Variants in NCKAP5 observed in about 807,000 individuals in gnomAD.
The protein encoded by NCKAP5 is nck-associated protein 5.
NCKAP5 carries 92 observed loss-of-function variants against 167.0 expected under a neutral mutation model. That is an observed-to-expected ratio of 0.55 (90% CI 0.47 to 0.66). The LOEUF (loss-of-function observed/expected upper bound fraction) is 0.66, where lower values mean the gene tolerates loss of function less well. Ranked by LOEUF, NCKAP5 falls within the 30% of genes least tolerant of loss-of-function variation. The pLI is 0.00. For synonymous variants in NCKAP5, 891 were observed against 877.4 expected (o/e 1.02, Z -0.27); for missense variants, 2,378 against 2,315.0 (o/e 1.03, Z -0.56).
chr2:133,063,747 T>C (rs2080090636), intron 6 of NCKAP5, among the ~76,000 whole-genome samples: 1 of 152,240 alleles, frequency 6.6e-6, no homozygotes, highest in African/African-American at 2.4e-5. Flanking sequence ...ATATCCAATA[T>C]TAGCTGAGCA....
chr2:133,624,805 G>T, the NCKAP5 span, among the ~76,000 whole-genome samples: 3 of 152,096 alleles, frequency 2.0e-5, no homozygotes, highest in Non-Finnish European at 4.4e-5. Context: ...TACGTTTTTG[G>T]AATCCACATA....
chr2:132,860,492 C>T lies in NCKAP5; in HGVS notation c.807G>A (p.Gln269=). 1 of 1,568,114 alleles carries T rather than the reference C, an allele frequency of 6.4e-7. No individual in the cohort carries two copies. The highest frequency in any genetic ancestry group is 8.7e-7 in the Non-Finnish European group (1 of 1,154,494). Reference sequence around the variant, plus strand: ...GATTGTTTTCCAGATAAACACATACCTGGAGGAGCAGATCAGAAGTGGGTC... The same window carrying T: ...GATTGTTTTCCAGATAAACACATACTTGGAGGAGCAGATCAGAAGTGGGTC... ...RVRPTSDLLL[Q]KLHSRLLDLS... The change falls in exon 11 of 20, where the codon CAG becomes CAA. Residue 269 remains glutamine (Q), a splice_region_variant and synonymous_variant. Coordinates refer to ENST00000409261, the MANE Select transcript of NCKAP5 (RefSeq NM_207363.3).
chr2:132,732,001 G>A lies in NCKAP5; in HGVS notation c.5179C>T (p.Leu1727Phe), dbSNP rs749961348. Residue 1727 changes from leucine (L) to phenylalanine (F), a missense_variant, in exon 17 of 20, where the codon CTC becomes TTC. By Grantham distance (22) the Leu-to-Phe change is conservative. Transcript: ENST00000409261. Reference sequence around the variant, plus strand: ...GTCGAGCGATTTCCCGAGTCTGGGAGTGGAAAGGTTCCGATCCCACTGTCC... The same window carrying A: ...GTCGAGCGATTTCCCGAGTCTGGGAATGGAAAGGTTCCGATCCCACTGTCC... The part of the protein sequence containing the change: ...TLDSGIGTFP[L>F]PDSGNRSTGR... The A allele has an allele frequency of 2.5e-6, 4 of 1,613,830 alleles. No individual in the cohort carries two copies. Among genetic ancestry groups the A allele is most frequent in the East Asian group, 4.5e-5 (2 of 44,840 alleles).
At chr2:133,134,108 C>T (rs1267229603) in intron 5 of NCKAP5, among the ~76,000 whole-genome samples, 4 of 152,174 alleles carry the variant, frequency 2.6e-5, no homozygotes, top group Admixed American at 6.5e-5. Context: ...TGAACTGCAT[C>T]GAAACACACA....
At chr2:133,489,505 C>A (rs1431061594) in intron 3 of NCKAP5, among the ~76,000 whole-genome samples, 3 of 152,166 alleles carry the variant, frequency 2.0e-5, no homozygotes, top group Non-Finnish European at 2.9e-5. Context: ...ATTTTAGGGG[C>A]AATTTTTACT....
At chr2:133,020,750 G>A (rs932159143) in intron 6 of NCKAP5, among the ~76,000 whole-genome samples, 2 of 152,198 alleles carry the variant, frequency 1.3e-5, no homozygotes, top group African/African-American at 4.8e-5. Flanking sequence ...TAGGAGGAAG[G>A]CGGCTGTGGT....
chr2:132,979,687 T>G (rs1311449074), intron 7 of NCKAP5, among the ~76,000 whole-genome samples: 2 of 152,234 alleles, frequency 1.3e-5, no homozygotes, highest in East Asian at 3.9e-4. Flanking sequence ...CTCTGCTTTC[T>G]TGCATCACAG....
intron 8 of NCKAP5, among the ~76,000 whole-genome samples, chr2:132,920,833 G>T (rs1314464006): frequency 1.8e-5 from 2 of 112,718 alleles, no homozygotes; most frequent in African/African-American, 6.7e-5. Flanking sequence ...GAACTAGGTT[G>T]TCCTTTGAGG....
intron 5 of NCKAP5, among the ~76,000 whole-genome samples, chr2:133,210,504 G>A (rs1453415918): frequency 6.6e-6 from 1 of 152,100 alleles, no homozygotes; most frequent in African/African-American, 2.4e-5. Flanking sequence ...TGGTGATCTA[G>A]TTGTGATGAA....
chr2:132,804,386 A>C (rs1685271482), intron 11 of NCKAP5, among the ~76,000 whole-genome samples: 3 of 152,214 alleles, frequency 2.0e-5, no homozygotes, highest in African/African-American at 7.2e-5. Flanking sequence ...CAGGTACTTT[A>C]ATAAGTGCTT....
rs563029030 is a variant in NCKAP5, at chr2:132,780,051, G to A, written c.5049+1001C>T. On this transcript the variant is annotated intron_variant, in intron 15 of 19. Coordinates refer to ENST00000409261, the MANE Select transcript of NCKAP5 (RefSeq NM_207363.3). ...TAAATTATTTACACAAGTACATGAA[G>A]AATGTACAGAGAGTAAGTGCAATTT... is the stretch of plus-strand genomic sequence containing the variant. Among the ~76,000 whole-genome samples, 223 of 152,242 alleles carry A rather than the reference G, an allele frequency of 1.5e-3. 1 individual carries two copies. The highest frequency in any genetic ancestry group is 2.9e-3 in the Non-Finnish European group (195 of 68,018).
chr2:133,005,126 T>C (rs1218826157), intron 6 of NCKAP5, among the ~76,000 whole-genome samples: 1 of 152,158 alleles, frequency 6.6e-6, no homozygotes, highest in East Asian at 1.9e-4. Flanking sequence ...CATCACAGGG[T>C]CCTGAGGCAA....
chr2:133,145,170 G>T (rs1049149889), intron 5 of NCKAP5, among the ~76,000 whole-genome samples: 3 of 151,864 alleles, frequency 2.0e-5, no homozygotes, highest in Non-Finnish European at 4.4e-5. Flanking sequence ...GGAATATACA[G>T]TAAGGCTCTG....
chr2:133,278,516 C>G (rs753133965), intron 4 of NCKAP5, among the ~76,000 whole-genome samples: 1 of 152,130 alleles, frequency 6.6e-6, no homozygotes, highest in Non-Finnish European at 1.5e-5. Context: ...ACTGGACCCA[C>G]CTGATTAATC....
intron 3 of NCKAP5, among the ~76,000 whole-genome samples, chr2:133,365,498 C>A (rs1685398611): frequency 6.6e-6 from 1 of 151,116 alleles, no homozygotes; most frequent in Non-Finnish European, 1.5e-5. Context: ...GAAGGTTTTT[C>A]TAGAATTCTG....
At chr2:133,325,494 A>G (rs543234570) in intron 3 of NCKAP5, among the ~76,000 whole-genome samples, 1 of 152,184 alleles carries the variant, frequency 6.6e-6, no homozygotes, top group Admixed American at 6.5e-5. Flanking sequence ...AATTATTTCA[A>G]CCCTAGCCTT....
intron 11 of NCKAP5, among the ~76,000 whole-genome samples, chr2:132,822,112 A>G (rs903691973): frequency 6.6e-6 from 1 of 152,226 alleles, no homozygotes; most frequent in African/African-American, 2.4e-5. Flanking sequence ...AACTCAGGCC[A>G]TTACAGCAAC....
chr2:132,890,575 C>A (rs960148700), intron 8 of NCKAP5, among the ~76,000 whole-genome samples: 1 of 152,190 alleles, frequency 6.6e-6, no homozygotes, highest in East Asian at 1.9e-4. Flanking sequence ...AGTGGCTAAG[C>A]GTGCCAGCCA....
chr2:132,779,415 C>T (rs1027395100), intron 15 of NCKAP5, among the ~76,000 whole-genome samples: 17 of 152,094 alleles, frequency 1.1e-4, no homozygotes, highest in African/African-American at 1.4e-4. Flanking sequence ...TTTCCATCAG[C>T]TGGATTGAAT....
Sources: allele counts gnomAD v4.1 joint callset (sites outside exome capture counted in the v4.1 genomes callset), GRCh38; gene constraint gnomAD v4.1.1; transcripts MANE v1.5; gene names NCBI Gene and HGNC (gene_info 2026-07-23, HGNC 2026-07-21).